Variants in TRPM2 observed in about 807,000 individuals in gnomAD.
TRPM2 encodes the protein transient receptor potential cation channel subfamily M member 2.
A neutral mutation model predicts 174.0 loss-of-function variants in TRPM2; 161 were observed. That is an observed-to-expected ratio of 0.93 (90% CI 0.81 to 1.05). TRPM2 has a LOEUF of 1.05. Among genes scored for constraint, TRPM2 ranks in the 50% least tolerant of loss-of-function variants. The pLI is 0.00. For synonymous variants in TRPM2, 954 were observed against 861.3 expected, an observed-to-expected ratio of 1.11 and a Z score of -1.88; for missense variants, 2,057 against 2,038.0, an observed-to-expected ratio of 1.01 and a Z score of -0.18.
At chr21:44,359,757 A>ATATAT (rs373833142) in intron 2 of TRPM2, among the ~76,000 whole-genome samples, 1 of 148,026 alleles carries the variant, frequency 6.8e-6, no homozygotes, top group Non-Finnish European at 1.5e-5. Context: ...ATATATATAT[A>ATATAT]TTTTTTTTGA....
At chr21:44,352,869 T>C (rs1459767948), upstream of TRPM2, among the ~76,000 whole-genome samples, 1 of 152,222 alleles carries the variant, frequency 6.6e-6, no homozygotes. Flanking sequence ...AAACTTCCTT[T>C]CTAGGCTGGG....
chr21:44,442,440 G>A lies in TRPM2; in HGVS notation c.*623G>A, dbSNP rs926515196. 6.6e-6 allele frequency: 1 copy of A among 152,298 alleles called. No homozygotes were observed. The highest frequency in any genetic ancestry group is 1.5e-5 in the Non-Finnish European group (1 of 68,080). The allele number at this position is 152,298 out of a possible 1,614,324, so 9.4% of individuals were successfully genotyped here. ...GGCCCCTGCCAGGGTTGGCCCCAGG[G>A]ACCCTGGGACGAGGCTGCAGAAGCT... On this transcript the variant is annotated 3_prime_UTR_variant, in exon 32 of 32. Coordinates refer to ENST00000397928, the MANE Select transcript of TRPM2 (RefSeq NM_003307.4).
chr21:44,419,644 T>A (rs62218790), intron 22 of TRPM2, among the ~76,000 whole-genome samples: 3 of 141,334 alleles, frequency 2.1e-5, no homozygotes, highest in African/African-American at 8.1e-5. Context: ...GGTGGTGGTG[T>A]TGGTGATGGT....
intron 12 of TRPM2, 86 bp downstream of exon 12, chr21:44,395,637 G>A: frequency 6.3e-7 from 1 of 1,580,830 alleles, no homozygotes; most frequent in African/African-American, 1.3e-5. Flanking sequence ...AGTGGCTGGA[G>A]AGCCTGAGGC....
upstream of TRPM2, among the ~76,000 whole-genome samples, chr21:44,350,766 G>A (rs1048636335): frequency 2.2e-4 from 33 of 152,064 alleles, no homozygotes; most frequent in Admixed American, 2.2e-3. Flanking sequence ...GCAGAGGCGC[G>A]GGGCGCTGAC....
At chr21:44,406,407 C>A (rs142661345) in intron 18 of TRPM2, among the ~76,000 whole-genome samples, 187 bp from the exon 19 acceptor site, 235 of 152,232 alleles carry the variant, frequency 1.5e-3, no homozygotes, top group African/African-American at 5.5e-3. Flanking sequence ...CTTTGTGGTG[C>A]TAGCACAAAG....
At chr21:44,409,631 C>CTTGG (rs781305224) in intron 19 of TRPM2, among the ~76,000 whole-genome samples, 45 of 43,506 alleles carry the variant, frequency 1.0e-3, no homozygotes, top group African/African-American at 2.9e-3. Flanking sequence ...ACTGCACTGT[C>CTTGG]TTGGCGTAGC....
intron 2 of TRPM2, among the ~76,000 whole-genome samples, chr21:44,363,475 T>C (rs1403008000): frequency 6.8e-6 from 1 of 147,012 alleles, no homozygotes; most frequent in East Asian, 2.0e-4. Flanking sequence ...GTCCATCCTT[T>C]GAGTTTTTTA....
intron 22 of TRPM2, among the ~76,000 whole-genome samples, chr21:44,422,668 G>A (rs2050593982): frequency 1.3e-5 from 2 of 152,158 alleles, no homozygotes; most frequent in Non-Finnish European, 2.9e-5. Flanking sequence ...CTGGAGACTC[G>A]GGTTTGCCCA....
At chr21:44,387,185 C>CA (rs932155053) in intron 9 of TRPM2, among the ~76,000 whole-genome samples, 27 of 152,048 alleles carry the variant, frequency 1.8e-4, no homozygotes, top group Middle Eastern at 3.4e-3. Context: ...GACCCTGTCT[C>CA]AAAAAAATCC....
chr21:44,391,581 GA>G lies in TRPM2; in HGVS notation c.1751del (p.Asp584AlafsTer19). On this transcript the variant is annotated frameshift_variant, in exon 11 of 32. Transcript: ENST00000397928. LOFTEE classifies it high-confidence loss of function. This position sits in a 1 kb window ranked among gnomAD's most constrained non-coding sequence, Gnocchi z 5.0. ...GCTTTATCCCCGGCCCCGGCACAACGACCGGCTGCGGCTCCTGCTGCCCGTT... is the reference window on the plus strand; with the variant it reads ...GCTTTATCCCCGGCCCCGGCACAACGCCGGCTGCGGCTCCTGCTGCCCGTT... Reference protein sequence around the residue: ...QPLYPRPRHNDRLRLLLPVPH... With the variant: ...QPLYPRPRHNXRLRLLLPVPH... 6.3e-7 allele frequency: 1 copy of G among 1,590,030 alleles called. No individual in the cohort carries two copies. Among genetic ancestry groups the G allele is most frequent in the Admixed American group, 1.7e-5 (1 of 59,296 alleles).
At position 44,437,003 on chromosome 21, in the gene TRPM2, C is replaced by T. The variant is rs985275554; in HGVS notation, c.4062-59C>T. On this transcript the variant is annotated intron_variant, in intron 28 of 31. Transcript: ENST00000397928. Reference sequence around the variant, plus strand: ...CCAGGCAGGGCCAGCCCCGCCGCGGCGCAGGGGAGGGTGGAGGCCGCAGCG... The same window carrying T: ...CCAGGCAGGGCCAGCCCCGCCGCGGTGCAGGGGAGGGTGGAGGCCGCAGCG... 14 of 1,489,948 alleles carry T rather than the reference C, an allele frequency of 9.4e-6. 1 individual carries two copies. The highest frequency in any genetic ancestry group is 4.8e-5 in the South Asian group (4 of 82,714). The allele number at this position is 1,489,948 out of a possible 1,614,324, so 92.3% of individuals were successfully genotyped here. A position where few individuals can be genotyped will look rare whatever the true frequency, so the allele number is the denominator to read the frequency against.
rs564720229 is a variant in TRPM2, at chr21:44,432,680, C to T, written c.3975-2451C>T. ...CCTGCCCGCAAGTCCCTTCCTCTTT[C>T]GAATCCACTCCACTTGGGCTTTGCT... On this transcript the variant is annotated intron_variant, in intron 27 of 31. Transcript: ENST00000397928. The surrounding 1 kb of genome is among the most constrained non-coding windows in gnomAD (Gnocchi z 4.9). 2.0e-5 allele frequency among the ~76,000 whole-genome samples: 3 copies of T among 152,318 alleles called. No individual in the cohort carries two copies. The highest frequency in any genetic ancestry group is 2.1e-4 in the South Asian group (1 of 4,826).
At position 44,370,236 on chromosome 21, in the gene TRPM2, CG is replaced by C. The variant is rs2048492022; in HGVS notation, c.771+894del. Among the ~76,000 whole-genome samples the C allele has an allele frequency of 2.0e-5, 3 of 152,090 alleles. No homozygotes were observed. In the South Asian group the frequency reaches 6.2e-4, roughly 32 times the overall value. ...GCAGCTGGGTGGGGCTGAGCCAGGG[CG>C]ATCCGACCCCGAACCGGAGCTTTTA... On this transcript the variant is annotated intron_variant, in intron 5 of 31. Transcript: ENST00000397928.
intron 22 of TRPM2, among the ~76,000 whole-genome samples, chr21:44,421,716 G>C (rs2050557247): frequency 6.6e-6 from 1 of 152,024 alleles, no homozygotes; most frequent in Non-Finnish European, 1.5e-5. Context: ...TTTGAGACCA[G>C]CCTGGGTAAC....
chr21:44,419,533 G>A (rs1465134502), intron 22 of TRPM2, among the ~76,000 whole-genome samples: 1 of 152,026 alleles, frequency 6.6e-6, no homozygotes, highest in Non-Finnish European at 1.5e-5. Flanking sequence ...CGGTGGTGGT[G>A]ATGGTGATGA....
At chr21:44,422,494 A>T (rs1369961244) in intron 22 of TRPM2, 6 of 1,497,640 alleles carry the variant, frequency 4.0e-6, no homozygotes, top group Non-Finnish European at 5.3e-6. Flanking sequence ...CCTGGAGCGA[A>T]ATCACTTTCT....
At chr21:44,369,431 CG>C in intron 5 of TRPM2, 88 bp downstream of exon 5, 2 of 1,442,260 alleles carry the variant, frequency 1.4e-6, no homozygotes, top group Non-Finnish European at 9.2e-7. Flanking sequence ...GTGGAGTGTA[CG>C]GGGGCCGGGG....
intron 27 of TRPM2, 120 bp from the exon 28 acceptor site, chr21:44,435,011 C>G (rs572013760): frequency 1.2e-4 from 109 of 927,266 alleles, no homozygotes; most frequent in Non-Finnish European, 1.8e-4. Context: ...AAGAAGCCTG[C>G]ATGCTGTCCC....
Sources: gnomAD v4.1 joint callset for allele counts (sites outside exome capture counted in the v4.1 genomes callset) on GRCh38, gnomAD v4.1.1 for gene constraint, Gnocchi (gnomAD v3.1) non-coding constraint, MANE v1.5 for transcripts, NCBI Gene and HGNC (gene_info 2026-07-23, HGNC 2026-07-21) for gene names.